VWC2L: variants seen among roughly 807,000 people sequenced by gnomAD.
VWC2L encodes von Willebrand factor C domain containing 2 like, also known as von Willebrand factor C domain-containing protein 2-like.
In VWC2L, 10 loss-of-function variants were observed where a neutral mutation model predicts 21.6. The observed-to-expected ratio is 0.46, with a 90% CI of 0.29 to 0.78. VWC2L has a LOEUF of 0.78. Among genes scored for constraint, VWC2L ranks in the 30% least tolerant of loss-of-function variants. The probability of loss-of-function intolerance (pLI) is 0.10; values close to 1 mark genes in which losing one functional copy is unlikely to be tolerated. For missense variants in VWC2L, 209 were observed against 277.1 expected (o/e 0.75, Z 1.74); for synonymous variants, 96 against 94.3 (o/e 1.02, Z -0.10).
At chr2:214,552,515 G>C (rs960277370) in intron 3 of VWC2L, among the ~76,000 whole-genome samples, 1 of 152,078 alleles carries the variant, frequency 6.6e-6, no homozygotes, top group Admixed American at 6.5e-5. Flanking sequence ...CCCAACCTTG[G>C]TCTATTCAAC....
At chr2:214,511,953 C>T (rs1032347961) in intron 3 of VWC2L, among the ~76,000 whole-genome samples, 1 of 142,288 alleles carries the variant, frequency 7.0e-6, no homozygotes, top group Non-Finnish European at 1.5e-5. Flanking sequence ...CACACACACA[C>T]CTGGTCATGA....
chr2:214,494,857 A>G (rs1329720717), intron 3 of VWC2L, among the ~76,000 whole-genome samples: 1 of 151,398 alleles, frequency 6.6e-6, no homozygotes, highest in East Asian at 1.9e-4. Flanking sequence ...CACTTCACTT[A>G]TGGTAGAAAA....
intron 3 of VWC2L, among the ~76,000 whole-genome samples, chr2:214,524,802 A>T (rs1368758083): frequency 6.6e-6 from 1 of 152,188 alleles, no homozygotes; most frequent in East Asian, 1.9e-4. Context: ...AAAGAATCAG[A>T]TCATTTGACT....
chr2:214,486,191 G>A (rs1462992034), intron 3 of VWC2L, among the ~76,000 whole-genome samples: 2 of 152,146 alleles, frequency 1.3e-5, no homozygotes, highest in Non-Finnish European at 2.9e-5. Context: ...GAATGTCACA[G>A]ATACTATCAT....
chr2:214,536,819 G>A (rs1689538799), intron 3 of VWC2L: 1 of 151,956 alleles, frequency 6.6e-6, no homozygotes. Context: ...TCTTTATTCT[G>A]CAAACTCATG....
At chr2:214,464,661 A>G (rs919778818) in intron 3 of VWC2L, among the ~76,000 whole-genome samples, 7 of 152,102 alleles carry the variant, frequency 4.6e-5, no homozygotes, top group East Asian at 1.9e-4. Context: ...TGTTCACTCA[A>G]TTACCAAGGG....
At chr2:214,483,772 G>C (rs1326740868) in intron 3 of VWC2L, among the ~76,000 whole-genome samples, 1 of 152,104 alleles carries the variant, frequency 6.6e-6, no homozygotes, top group Non-Finnish European at 1.5e-5. Flanking sequence ...GGCAGAGGTG[G>C]GATACTTGGG....
intron 3 of VWC2L, among the ~76,000 whole-genome samples, chr2:214,463,115 A>G (rs1365694516): frequency 1.3e-5 from 2 of 152,204 alleles, no homozygotes; most frequent in Admixed American, 1.3e-4. Context: ...AGTACTATAT[A>G]AATGTCAATT....
chr2:214,519,328 G>A (rs1689195453), intron 3 of VWC2L, among the ~76,000 whole-genome samples: 1 of 152,096 alleles, frequency 6.6e-6, no homozygotes, highest in Non-Finnish European at 1.5e-5. Flanking sequence ...AGAAATATAA[G>A]ATGATAAAAC....
chr2:214,481,414 G>C (rs1211210975), intron 3 of VWC2L, among the ~76,000 whole-genome samples: 1 of 152,178 alleles, frequency 6.6e-6, no homozygotes, highest in East Asian at 1.9e-4. Flanking sequence ...TGGGATCTCA[G>C]ACTCGTGAAT....
intron 3 of VWC2L, among the ~76,000 whole-genome samples, chr2:214,544,058 C>T (rs1437649520): frequency 6.6e-6 from 1 of 152,152 alleles, no homozygotes; most frequent in Non-Finnish European, 1.5e-5. Context: ...ATTGTTATCT[C>T]TGCCTAAAAG....
chr2:214,551,622 G>C (rs1689796295), intron 3 of VWC2L, among the ~76,000 whole-genome samples: 1 of 152,142 alleles, frequency 6.6e-6, no homozygotes, highest in East Asian at 1.9e-4. Context: ...TCAGCTCTTA[G>C]TGATTTTTAT....
intron 3 of VWC2L, among the ~76,000 whole-genome samples, chr2:214,547,166 TG>T (rs1290126595): frequency 6.6e-6 from 1 of 151,892 alleles, no homozygotes; most frequent in Non-Finnish European, 1.5e-5. Flanking sequence ...ACTGGAAGAT[TG>T]AGGAAATTTT....
chr2:214,544,291 C>T (rs1446145677), intron 3 of VWC2L, among the ~76,000 whole-genome samples: 5 of 152,136 alleles, frequency 3.3e-5, no homozygotes, highest in African/African-American at 1.2e-4. Flanking sequence ...AGAGGTGTAT[C>T]CTCAGAGCTG....
Position 214,414,283 on chromosome 2 carries a change from T to C in VWC2L, c.90T>C (p.Pro30=). The C allele has an allele frequency of 6.2e-7, 1 of 1,613,872 alleles. No homozygotes were observed. Among genetic ancestry groups the C allele is most frequent in the Non-Finnish European group, 8.5e-7 (1 of 1,179,832 alleles). ...CTGCTATCAGTCATGAAGACTATCC[T>C]GCTGATGAAGGTGACCAGATCTCCA... is the stretch of plus-strand genomic sequence containing the variant. ...TSAAISHEDY[P]ADEGDQISSN... Residue 30 remains proline, a synonymous_variant, in exon 2 of 4, where the codon CCT becomes CCC. Transcript: ENST00000312504.
chr2:214,520,337 T>C (rs1689216019), intron 3 of VWC2L, among the ~76,000 whole-genome samples: 1 of 152,200 alleles, frequency 6.6e-6, no homozygotes, highest in African/African-American at 2.4e-5. Flanking sequence ...CAATTATTCT[T>C]TGAAAATGGG....
intron 3 of VWC2L, among the ~76,000 whole-genome samples, chr2:214,518,505 T>A (rs768408103): frequency 5.9e-5 from 9 of 152,200 alleles, no homozygotes; most frequent in Non-Finnish European, 1.0e-4. Flanking sequence ...AGAACTATGA[T>A]AGATGCCAAG....
chr2:214,440,199 T>C (rs555812897), intron 3 of VWC2L, among the ~76,000 whole-genome samples: 32 of 152,060 alleles, frequency 2.1e-4, no homozygotes, highest in Non-Finnish European at 4.0e-4. Flanking sequence ...AGGAAAGATA[T>C]GAATGACTGG....
chr2:214,461,588 C>T (rs2126188819), intron 3 of VWC2L, among the ~76,000 whole-genome samples: 1 of 152,218 alleles, frequency 6.6e-6, no homozygotes, highest in East Asian at 1.9e-4. Flanking sequence ...CTTGGTGGTA[C>T]ATATGCACAC....
Sources: gnomAD v4.1 joint callset for allele counts (sites outside exome capture counted in the v4.1 genomes callset) on GRCh38, gnomAD v4.1.1 for gene constraint, MANE v1.5 for transcripts, NCBI Gene and HGNC (gene_info 2026-07-23, HGNC 2026-07-21) for gene names.